NPEPPS: variants seen among roughly 807,000 people sequenced by gnomAD.
NPEPPS encodes the protein puromycin-sensitive aminopeptidase.
A neutral mutation model predicts 115.5 loss-of-function variants in NPEPPS; 14 were observed. The ratio of observed to expected loss-of-function variants is 0.12; its 90% CI spans 0.08 to 0.19. NPEPPS has a LOEUF of 0.19. Ranked by LOEUF, NPEPPS falls within the 10% of genes least tolerant of loss-of-function variation. The pLI is 1.00. For missense variants in NPEPPS, 523 were observed against 1,110.8 expected, an observed-to-expected ratio of 0.47 and a Z score of 7.52; for synonymous variants, 285 against 390.6, an observed-to-expected ratio of 0.73 and a Z score of 3.19.
At chr17:47,530,763 A>G (rs1246755936), upstream of NPEPPS, among the ~76,000 whole-genome samples, 1 of 152,212 alleles carries the variant, frequency 6.6e-6, no homozygotes, top group Non-Finnish European at 1.5e-5. Flanking sequence ...ACCTGGAGGC[A>G]GAATCCAGTT....
chr17:47,622,893 C>T lies in NPEPPS; in HGVS notation c.*973C>T, dbSNP rs552229891. Reference sequence around the variant, plus strand: ...CAACAGTATCAACACTGGCTTCTCCCGGTTCATTTTATGCGTGCGAGAAGT... The same window carrying T: ...CAACAGTATCAACACTGGCTTCTCCTGGTTCATTTTATGCGTGCGAGAAGT... On this transcript the variant is annotated 3_prime_UTR_variant, in exon 23 of 23. Coordinates refer to ENST00000322157, the MANE Select transcript of NPEPPS (RefSeq NM_006310.4). 2.4e-5 allele frequency: 11 copies of T among 455,806 alleles called. No homozygotes were observed. The highest frequency in any genetic ancestry group is 7.7e-5 in the South Asian group (5 of 64,562). 28.2% of individuals were successfully genotyped at this position (455,806 alleles called of 1,614,324 possible).
chr17:47,612,439 C>A (rs1217465801), intron 17 of NPEPPS, 21 bp from the exon 18 acceptor site: 2 of 1,612,626 alleles, frequency 1.2e-6, no homozygotes, highest in Non-Finnish European at 1.7e-6. Flanking sequence ...AGTCTTATGT[C>A]TCTTTTACTT....
intron 2 of NPEPPS, among the ~76,000 whole-genome samples, chr17:47,556,947 T>C (rs1910084434): frequency 6.6e-6 from 1 of 152,232 alleles, no homozygotes; most frequent in African/African-American, 2.4e-5. Flanking sequence ...CAGCCTGTTT[T>C]ACTTTTTTCT....
At chr17:47,620,976 A>G (rs1466756469) in intron 22 of NPEPPS, among the ~76,000 whole-genome samples, 1 of 152,078 alleles carries the variant, frequency 6.6e-6, no homozygotes, top group African/African-American at 2.4e-5. Flanking sequence ...TGAGTTCAAG[A>G]GTTCAAGACC....
At chr17:47,536,186 C>T (rs1358370933) in intron 1 of NPEPPS, among the ~76,000 whole-genome samples, 5 of 152,010 alleles carry the variant, frequency 3.3e-5, no homozygotes, top group Non-Finnish European at 7.4e-5. Context: ...CTAAGTTTAT[C>T]ATTCAAGGCC....
chr17:47,572,685 G>C (rs1424217922), intron 3 of NPEPPS, among the ~76,000 whole-genome samples: 1 of 152,132 alleles, frequency 6.6e-6, no homozygotes, highest in East Asian at 1.9e-4. Context: ...AGAAAAAACA[G>C]ATAGAAAACA....
intron 2 of NPEPPS, among the ~76,000 whole-genome samples, chr17:47,564,798 A>G (rs1372986740): frequency 1.3e-5 from 2 of 152,028 alleles, no homozygotes; most frequent in East Asian, 1.9e-4. Flanking sequence ...TAACAGTTCC[A>G]GAGCAAATAT....
At chr17:47,617,591 C>T (rs1914290766) in intron 19 of NPEPPS, among the ~76,000 whole-genome samples, 1 of 139,236 alleles carries the variant, frequency 7.2e-6, no homozygotes, top group Non-Finnish European at 1.6e-5. Flanking sequence ...TAAAATATAA[C>T]TTTCAATAAT....
intron 2 of NPEPPS, among the ~76,000 whole-genome samples, chr17:47,565,347 A>G (rs544931780): frequency 2.0e-5 from 3 of 152,064 alleles, no homozygotes; most frequent in East Asian, 3.9e-4. Context: ...TATCTCTACT[A>G]AAAATACAAA....
intron 22 of NPEPPS, chr17:47,620,014 C>T: frequency 2.4e-6 from 1 of 411,412 alleles, no homozygotes; most frequent in Non-Finnish European, 4.5e-6. Context: ...GGGTGGATCA[C>T]CTGAGGTCAG....
Position 47,606,341 on chromosome 17 carries a change from TATC to T in NPEPPS, c.2095+792_2095+794del, listed in dbSNP as rs1913515000. On this transcript the variant is annotated intron_variant, in intron 17 of 22. Transcript: ENST00000322157. ...GGGATGATTATTTAAAGGTTTTACATATCATTATTTTTTATCATCTGCTAATAA... is the reference window on the plus strand; with the variant it reads ...GGGATGATTATTTAAAGGTTTTACATATTATTTTTTATCATCTGCTAATAA... Among the ~76,000 whole-genome samples, 4 of 152,336 alleles carry T rather than the reference TATC, an allele frequency of 2.6e-5. No individual in the cohort carries two copies. In the South Asian group the frequency reaches 8.3e-4, roughly 32 times the overall value.
At chr17:47,551,147 G>T (rs1473680450) in intron 2 of NPEPPS, among the ~76,000 whole-genome samples, 1 of 152,044 alleles carries the variant, frequency 6.6e-6, no homozygotes, top group East Asian at 1.9e-4. Context: ...ACATTATATG[G>T]TGGCTGCTTA....
upstream of NPEPPS, among the ~76,000 whole-genome samples, chr17:47,528,142 A>T (rs1420065284): frequency 6.6e-6 from 1 of 150,864 alleles, no homozygotes; most frequent in African/African-American, 2.4e-5. Context: ...TCTGTACTAA[A>T]AATACAAAAA....
chr17:47,590,307 T>A (rs1300266862), intron 9 of NPEPPS, among the ~76,000 whole-genome samples: 4 of 152,146 alleles, frequency 2.6e-5, no homozygotes, highest in African/African-American at 9.7e-5. Flanking sequence ...GTGGATCACT[T>A]GAGTTCAGAA....
At chr17:47,612,663 C>CTTTT in intron 18 of NPEPPS, 61 bp downstream of exon 18, 17 of 1,091,862 alleles carry the variant, frequency 1.6e-5, no homozygotes, top group South Asian at 3.1e-5. Flanking sequence ...AAGCATGGAA[C>CTTTT]TTTTTTTTTT....
chr17:47,585,823 A>AT (rs1912144090), intron 6 of NPEPPS, 123 bp downstream of exon 6: 2 of 817,830 alleles, frequency 2.4e-6, no homozygotes, highest in African/African-American at 3.4e-5. Flanking sequence ...TACTTGGTTT[A>AT]TTTTTAGTAG....
chr17:47,622,548 C>CA lies in NPEPPS; in HGVS notation c.*637dup, dbSNP rs879074100. On this transcript the variant is annotated 3_prime_UTR_variant, in exon 23 of 23. Coordinates refer to ENST00000322157, the MANE Select transcript of NPEPPS (RefSeq NM_006310.4). Reference sequence around the variant, plus strand: ...CCTTCTGTGTGACCGACCCCTTGGCCAAAAAAAAACAAAAAGCAAAAAACA... The same window carrying CA: ...CCTTCTGTGTGACCGACCCCTTGGCCAAAAAAAAAACAAAAAGCAAAAAACA... The CA allele has an allele frequency of 7.3e-3, 1,739 of 237,270 alleles. 12 individuals carry two copies. The highest frequency in any genetic ancestry group is 0.021 in the African/African-American group (858 of 40,234). The allele number at this position is 237,270 out of a possible 1,614,324, so 14.7% of individuals were successfully genotyped here. A position where few individuals can be genotyped will look rare whatever the true frequency, so the allele number is the denominator to read the frequency against.
chr17:47,574,381 G>A (rs1911381672), intron 3 of NPEPPS, among the ~76,000 whole-genome samples: 1 of 151,776 alleles, frequency 6.6e-6, no homozygotes, highest in Non-Finnish European at 1.5e-5. Flanking sequence ...AGGAAATATG[G>A]TAACCATTTT....
rs1913936685 is a variant in NPEPPS at position 47,612,539 on chromosome 17, C to G, written c.2175C>G (p.Ala725=). 1.2e-6 allele frequency: 2 copies of G among 1,613,754 alleles called. No homozygotes were observed. The highest frequency in any genetic ancestry group is 1.3e-5 in the African/African-American group (1 of 74,886). The change falls in exon 18 of 23, where the codon GCC becomes GCG. Residue 725 remains alanine (A), a synonymous_variant. Coordinates refer to ENST00000322157, the MANE Select transcript of NPEPPS (RefSeq NM_006310.4). ...KAGHKATLEE[A]RRRFKDHVEG... ...GACATAAGGCAACGTTAGAAGAAGCCCGTCGTCGGTTTAAGGACCACGTGG... is the reference window on the plus strand; with the variant it reads ...GACATAAGGCAACGTTAGAAGAAGCGCGTCGTCGGTTTAAGGACCACGTGG...
Sources: gnomAD v4.1 joint callset for allele counts (sites outside exome capture counted in the v4.1 genomes callset) on GRCh38, gnomAD v4.1.1 for gene constraint, MANE v1.5 for transcripts, NCBI Gene and HGNC (gene_info 2026-07-23, HGNC 2026-07-21) for gene names.